FAT2: variants seen among roughly 807,000 people sequenced by gnomAD.
FAT2 encodes protocadherin Fat 2.
FAT2 carries 150 observed loss-of-function variants against 295.3 expected under a neutral mutation model. The ratio of observed to expected loss-of-function variants is 0.51; its 90% CI spans 0.44 to 0.58. The LOEUF (loss-of-function observed/expected upper bound fraction) is 0.58. Among genes scored for constraint, FAT2 ranks in the 20% least tolerant of loss-of-function variants. FAT2 has a pLI of 0.00. For missense variants in FAT2, 4,868 were observed against 5,442.7 expected (o/e 0.89, Z 3.32); for synonymous variants, 2,026 against 2,150.3 (o/e 0.94, Z 1.60).
chr5:151,577,885 T>C (rs182697468), intron 1 of FAT2, among the ~76,000 whole-genome samples: 6 of 151,994 alleles, frequency 3.9e-5, no homozygotes, highest in Admixed American at 3.9e-4. Flanking sequence ...ACCTCAGAAC[T>C]GGAGGGCCTG....
rs750994707 is a variant in FAT2 at position 151,553,173 on chromosome 5, T to C, written c.4156+4A>G. On this transcript the variant is annotated splice_donor_region_variant and intron_variant, in intron 6 of 23. Transcript: ENST00000261800. The stretch of plus-strand genomic sequence containing the variant: ...CCCTTGTTGGGCCCTAGGCCTTGCC[T>C]CACCTGAGATGTTGAACCAGAAGAG... 6.2e-6 allele frequency: 10 copies of C among 1,614,174 alleles called. No individual in the cohort carries two copies. The South Asian group carries it at 1.1e-4, about 18-fold the overall frequency.
chr5:151,568,766 C>T lies in FAT2; in HGVS notation c.166G>A (p.Glu56Lys), dbSNP rs569701735. The T allele has an allele frequency of 7.4e-6, 12 of 1,614,132 alleles. No homozygotes were observed. The highest frequency in any genetic ancestry group is 2.2e-5 in the East Asian group (1 of 44,890). ...TCCGCGAGGTAGATGCCCATTTTCT[C>T]GAAGCTCTCCACATAGGTCTTGGGA... ...SSPKTYVESF[E>K]KMGIYLAEPQ... Residue 56 changes from glutamate to lysine, a missense_variant, in exon 2 of 24, where the codon GAG becomes AAG. Coordinates refer to ENST00000261800, the MANE Select transcript of FAT2 (RefSeq NM_001447.3).
chr5:151,564,867 G>T (rs1430130299), intron 2 of FAT2, among the ~76,000 whole-genome samples: 2 of 152,158 alleles, frequency 1.3e-5, no homozygotes, highest in Admixed American at 6.5e-5. Context: ...GAGGTCAGGA[G>T]GTTGAGACCA....
Position 151,544,966 on chromosome 5 carries a change from C to T in FAT2, c.6161G>A (p.Gly2054Asp). ...ATCCTCAATAGAGACTCTGACCAAA[C>T]CCTGAGCCACCCGCTGAGGTGTCCG... ...DNRTPQRVAQ[G>D]LVRVSIEDVN... Residue 2054 changes from glycine (G) to aspartate (D), a missense_variant, in exon 10 of 24, where the codon GGT becomes GAT. By Grantham distance (94) the Gly-to-Asp change is moderately conservative. Transcript: ENST00000261800. 6.2e-7 allele frequency: 1 copy of T among 1,614,146 alleles called. No individual in the cohort carries two copies. The highest frequency in any genetic ancestry group is 1.1e-5 in the South Asian group (1 of 91,076).
In FAT2 at chr5:151,505,102, C is replaced by G. The variant is rs1483909342; in HGVS notation, c.*463G>C. The G allele has an allele frequency of 9.2e-6, 2 of 217,716 alleles. No individual in the cohort carries two copies. The highest frequency in any genetic ancestry group is 1.1e-4 in the Admixed American group (2 of 17,676). 13.5% of individuals were successfully genotyped at this position (217,716 alleles called of 1,614,324 possible). On this transcript the variant is annotated 3_prime_UTR_variant, in exon 24 of 24. Transcript: ENST00000261800. The stretch of plus-strand genomic sequence containing the variant: ...CCCTAGGAGGATGCCACGCAGCCCT[C>G]TAGAGCTCCTCTGTACGGCCCGCGT...
In FAT2 at chr5:151,544,124, G is replaced by C; in HGVS notation, c.7003C>G (p.Gln2335Glu). 1 of 1,614,186 alleles carries C rather than the reference G, an allele frequency of 6.2e-7. No individual in the cohort carries two copies. Among genetic ancestry groups the C allele is most frequent in the Non-Finnish European group, 8.5e-7 (1 of 1,180,030 alleles). Residue 2335 changes from glutamine (Q) to glutamate (E), a missense_variant, in exon 10 of 24, where the codon CAA becomes GAA. By Grantham distance (29) the Gln-to-Glu change is conservative. This residue lies in a region of FAT2 where 3,297 missense variants were observed against 3,669.4 expected (regional missense o/e 0.90). Transcript: ENST00000261800. The stretch of plus-strand genomic sequence containing the variant: ...TGTTGGGCTTCATAATCCAGTTCTT[G>C]AACTGTGGACATCTCCCCTGTGCTC... ...NGSTGEMSTV[Q>E]ELDYEAQQHF...
Position 151,504,231 on chromosome 5 carries a change from A to G in FAT2, c.*1334T>C, listed in dbSNP as rs984827339. 1.3e-4 allele frequency: 20 copies of G among 152,578 alleles called. No homozygotes were observed. The highest frequency in any genetic ancestry group is 1.0e-3 in the Admixed American group (16 of 15,268). 9.5% of individuals were successfully genotyped at this position (152,578 alleles called of 1,614,324 possible). ...TCTCGCCCACACATCTCCCTCTCGCATGAAGCAGCAGCCCTGTGGGCAAGG... is the reference window on the plus strand; with the variant it reads ...TCTCGCCCACACATCTCCCTCTCGCGTGAAGCAGCAGCCCTGTGGGCAAGG... On this transcript the variant is annotated 3_prime_UTR_variant, in exon 24 of 24. Transcript: ENST00000261800.
chr5:151,560,594 C>G (rs1757975268), intron 3 of FAT2, among the ~76,000 whole-genome samples: 1 of 152,216 alleles, frequency 6.6e-6, no homozygotes, highest in Admixed American at 6.5e-5. Flanking sequence ...CCCAGAGCAG[C>G]TTCCTCCTTC....
rs577188426 is a variant in FAT2 at position 151,531,144 on chromosome 5, G to C, written c.9811+443C>G. On this transcript the variant is annotated intron_variant, in intron 14 of 23. Coordinates refer to ENST00000261800, the MANE Select transcript of FAT2 (RefSeq NM_001447.3). This position sits in a 1 kb window ranked among gnomAD's most constrained non-coding sequence, Gnocchi z 5.7. ...CTTCAAGAGAATAAGGGAAAATTAAGGGGTGCCAGGATGTTTGGAGTGGAT... is the reference window on the plus strand; with the variant it reads ...CTTCAAGAGAATAAGGGAAAATTAACGGGTGCCAGGATGTTTGGAGTGGAT... Among the ~76,000 whole-genome samples the C allele has an allele frequency of 6.6e-5, 10 of 152,292 alleles. No homozygotes were observed. The South Asian group carries it at 2.1e-3, about 32-fold the overall frequency.
At chr5:151,560,707 A>G (rs1456993440) in intron 3 of FAT2, among the ~76,000 whole-genome samples, 1 of 152,190 alleles carries the variant, frequency 6.6e-6, no homozygotes, top group Non-Finnish European at 1.5e-5. Flanking sequence ...CTCCTAATGG[A>G]CTGAATTTCT....
At chr5:151,580,592 C>T (rs919180477) in intron 1 of FAT2, among the ~76,000 whole-genome samples, 7 of 152,230 alleles carry the variant, frequency 4.6e-5, no homozygotes, top group African/African-American at 1.4e-4. Flanking sequence ...AACACACACG[C>T]GTGCTCGCAC....
At chr5:151,538,508 G>T (rs9324697) in intron 11 of FAT2, among the ~76,000 whole-genome samples, 1 of 151,964 alleles carries the variant, frequency 6.6e-6, no homozygotes, top group South Asian at 2.1e-4. Context: ...TGCAGGTACC[G>T]TCATGGCATC....
rs956314497 is a variant in FAT2 at position 151,543,325 on chromosome 5, T to G, written c.7802A>C (p.Asp2601Ala). ...TVSIQSNVSK[D>A]SPVIQVLAYD... ...GGCCAACACCTGGATAACCGGAGAG[T>G]CTTTACTGACATTGGATTGAATGGA... Residue 2601 changes from aspartate to alanine, a missense_variant, in exon 10 of 24, where the codon GAC (aspartate) becomes GCC (alanine). Asp to Ala is a moderately radical substitution (Grantham distance 126). Around this residue, in one of 5 missense-constraint regions of FAT2, gnomAD observed 3,297 missense variants for 3,669.4 expected, o/e 0.90. Transcript: ENST00000261800. The G allele has an allele frequency of 1.9e-6, 3 of 1,613,784 alleles. No individual in the cohort carries two copies. Among genetic ancestry groups the G allele is most frequent in the Non-Finnish European group, 2.5e-6 (3 of 1,179,954 alleles).
At chr5:151,593,946 T>C (rs1759502651), upstream of FAT2, among the ~76,000 whole-genome samples, 2 of 152,044 alleles carry the variant, frequency 1.3e-5, no homozygotes, top group Admixed American at 1.3e-4. Flanking sequence ...GAGGTTACAG[T>C]GAGCCAAGAT....
At chr5:151,523,369 T>C (rs1753682853) in intron 18 of FAT2, among the ~76,000 whole-genome samples, 1 of 152,194 alleles carries the variant, frequency 6.6e-6, no homozygotes, top group African/African-American at 2.4e-5. Flanking sequence ...ATTATCCTAG[T>C]TTATCCTTCT....
intron 20 of FAT2, among the ~76,000 whole-genome samples, chr5:151,515,628 T>C (rs1347380753): frequency 1.3e-5 from 2 of 152,220 alleles, no homozygotes; most frequent in Non-Finnish European, 2.9e-5. Context: ...ACTACTTGCC[T>C]TCTCTCCCAC....
In FAT2 at chr5:151,521,557, C is replaced by G; in HGVS notation, c.11036G>C (p.Gly3679Ala). ...ASLQPAEAVA[G>A]VDVLLVFEGH... ...CTCAAAGACCAGGAGCACATCCACA[C>G]CAGCCACGGCCTCTGCAGGCTGGAG... The change falls in exon 19 of 24, where the codon GGT (glycine) becomes GCT (alanine). Residue 3679 changes from glycine (G) to alanine (A), a missense_variant. Transcript: ENST00000261800. 6.2e-7 allele frequency: 1 copy of G among 1,614,234 alleles called. No homozygotes were observed. The highest frequency in any genetic ancestry group is 8.5e-7 in the Non-Finnish European group (1 of 1,180,032).
chr5:151,553,407 A>G lies in FAT2; in HGVS notation c.3946-20T>C, dbSNP rs372144653. On this transcript the variant is annotated intron_variant, in intron 5 of 23. Coordinates refer to ENST00000261800, the MANE Select transcript of FAT2 (RefSeq NM_001447.3). ...CTTGATCTGAAAGGAGGCCAACACC[A>G]AAACTGAGGTTTGGGGCCAAGAGAC... 14 of 1,611,318 alleles carry G rather than the reference A, an allele frequency of 8.7e-6. No homozygotes were observed. Among genetic ancestry groups the G allele is most frequent in the Non-Finnish European group, 1.2e-5 (14 of 1,178,360 alleles).
intron 3 of FAT2, among the ~76,000 whole-genome samples, chr5:151,557,633 C>T (rs1056051913): frequency 9.9e-5 from 15 of 152,244 alleles, no homozygotes; most frequent in African/African-American, 3.4e-4. Flanking sequence ...TATTCCAACA[C>T]TGGCTACAGC....
Sources: allele counts gnomAD v4.1 joint callset (sites outside exome capture counted in the v4.1 genomes callset), GRCh38; gene constraint gnomAD v4.1.1; regional missense constraint gnomAD v4.1.1; non-coding constraint Gnocchi (gnomAD v3.1); transcripts MANE v1.5; gene names NCBI Gene and HGNC (gene_info 2026-07-23, HGNC 2026-07-21).